The following SGIP1 variants were observed in gnomAD, a reference collection of about 807,000 sequenced individuals.
The protein encoded by SGIP1 is SH3GL interacting endocytic adaptor 1.
Under a neutral mutation model 107.5 loss-of-function variants are expected in SGIP1, and 38 were observed. The observed-to-expected ratio is 0.35, with a 90% CI of 0.27 to 0.46. SGIP1 has a LOEUF of 0.46. Ranked by LOEUF, SGIP1 falls within the 20% of genes least tolerant of loss-of-function variation. The probability of loss-of-function intolerance (pLI) is 1.00; values close to 1 mark genes in which losing one functional copy is unlikely to be tolerated. For missense variants in SGIP1, 929 were observed against 1,019.5 expected (o/e 0.91, Z 1.21); for synonymous variants, 365 against 366.1 (o/e 1.00, Z 0.03).
chr1:66,672,002 G>A lies in SGIP1; in HGVS notation c.560+7G>A. On this transcript the variant is annotated splice_region_variant and intron_variant, in intron 11 of 24. Transcript: ENST00000371037. ...CAACTCCAGAACTTATAAGGTGAGT[G>A]TGAAAGACATTAGTTGTGTTTTATG... 6.2e-7 allele frequency: 1 copy of A among 1,613,762 alleles called. No individual in the cohort carries two copies. Among genetic ancestry groups the A allele is most frequent in the Non-Finnish European group, 8.5e-7 (1 of 1,179,726 alleles).
At chr1:66,660,142 A>AAGAAAGAAAAAGAAAGAAAGAAAGAAAGG (rs1553132178) in intron 7 of SGIP1, 1 of 33,924 alleles carries the variant, frequency 2.9e-5, no homozygotes, top group African/African-American at 4.8e-4. Context: ...GAAAGAAAGA[A>AAGAAAGAAAAAGAAAGAAAGAAAGAAAGG]GAGAGAAAGA....
At chr1:66,697,066 C>T (rs1224965527) in intron 18 of SGIP1, among the ~76,000 whole-genome samples, 1 of 152,070 alleles carries the variant, frequency 6.6e-6, no homozygotes, top group Non-Finnish European at 1.5e-5. Context: ...ATTGTCTGGG[C>T]TCAACAACAA....
intron 8 of SGIP1, among the ~76,000 whole-genome samples, chr1:66,661,894 C>A (rs1269326091): frequency 1.3e-5 from 2 of 152,092 alleles, no homozygotes; most frequent in African/African-American, 4.8e-5. Flanking sequence ...CCTCATTTTT[C>A]TTTGGAAATG....
chr1:66,656,321 G>A (rs1294318817), intron 7 of SGIP1, among the ~76,000 whole-genome samples: 2 of 152,156 alleles, frequency 1.3e-5, no homozygotes, highest in East Asian at 1.9e-4. Flanking sequence ...AAGGACCTGC[G>A]CAAGGCTGTT....
At chr1:66,714,584 G>A (rs1183254757) in intron 18 of SGIP1, among the ~76,000 whole-genome samples, 1 of 151,970 alleles carries the variant, frequency 6.6e-6, no homozygotes, top group Non-Finnish European at 1.5e-5. Flanking sequence ...CTGTTTTCAG[G>A]GCAGTTTATT....
intron 17 of SGIP1, chr1:66,694,748 A>C: frequency 5.1e-6 from 2 of 388,824 alleles, no homozygotes; most frequent in Non-Finnish European, 9.1e-6. Flanking sequence ...AAAAGGTGAG[A>C]TGCTATTGCT....
chr1:66,600,214 G>A (rs2065509954), intron 1 of SGIP1, among the ~76,000 whole-genome samples: 1 of 152,150 alleles, frequency 6.6e-6, no homozygotes, highest in African/African-American at 2.4e-5. Context: ...ATTTTTTAAA[G>A]AAAATTCATT....
chr1:66,653,292 T>C (rs2079103169), intron 7 of SGIP1, among the ~76,000 whole-genome samples: 1 of 152,224 alleles, frequency 6.6e-6, no homozygotes, highest in South Asian at 2.1e-4. Context: ...TGCTTTTTCT[T>C]TCCTTCATTA....
chr1:66,684,601 C>T (rs769997276), intron 15 of SGIP1, among the ~76,000 whole-genome samples: 1 of 152,202 alleles, frequency 6.6e-6, no homozygotes, highest in Non-Finnish European at 1.5e-5. Flanking sequence ...AAAGAACACC[C>T]ACTTCCCTCC....
chr1:66,669,478 C>A (rs1221419510), intron 9 of SGIP1, among the ~76,000 whole-genome samples: 1 of 152,138 alleles, frequency 6.6e-6, no homozygotes, highest in Non-Finnish European at 1.5e-5. Flanking sequence ...GAACTAAAGC[C>A]CCTCTATCTC....
chr1:66,549,151 CT>C lies in SGIP1; in HGVS notation c.10+14785del, dbSNP rs1557849819. Among the ~76,000 whole-genome samples the C allele has an allele frequency of 5.1e-5, 7 of 138,442 alleles. No individual in the cohort carries two copies. In the East Asian group the frequency reaches 1.4e-3, roughly 28 times the overall value. 90.8% of individuals were successfully genotyped at this position (138,442 alleles called of 152,430 possible). A position where few individuals can be genotyped will look rare whatever the true frequency, so the allele number is the denominator to read the frequency against. ...TCTGGCTACCTGCCTTCCTTCCTTC[CT>C]TCCTTCCTTCCTTCCTTCCTTCCTT... On this transcript the variant is annotated intron_variant, in intron 1 of 24. Transcript: ENST00000371037.
intron 1 of SGIP1, among the ~76,000 whole-genome samples, chr1:66,542,533 A>C (rs35652756): frequency 0.28 from 42,350 of 151,924 alleles, 6,240 homozygotes; most frequent in South Asian, 0.57. Context: ...TGAGACGACT[A>C]CTAAGTGACT....
intron 1 of SGIP1, among the ~76,000 whole-genome samples, chr1:66,548,150 G>A (rs1341816542): frequency 6.6e-6 from 1 of 152,136 alleles, no homozygotes. Flanking sequence ...TCATGCTTTT[G>A]CTTGCATCTT....
intron 19 of SGIP1, among the ~76,000 whole-genome samples, chr1:66,722,750 C>T (rs866855655): frequency 6.4e-4 from 98 of 152,116 alleles, no homozygotes; most frequent in African/African-American, 2.1e-3. Context: ...CCTGTCCCAT[C>T]GGCCTGTCAC....
chr1:66,650,460 C>T (rs1309093020), intron 7 of SGIP1, among the ~76,000 whole-genome samples: 1 of 152,130 alleles, frequency 6.6e-6, no homozygotes, highest in Non-Finnish European at 1.5e-5. Context: ...GAGAAAACAA[C>T]ATCTAGTAGC....
intron 19 of SGIP1, among the ~76,000 whole-genome samples, chr1:66,726,423 C>T (rs1339865984): frequency 6.6e-6 from 1 of 152,034 alleles, no homozygotes. Context: ...CCTACCATAG[C>T]GAAAACAACT....
At chr1:66,719,533 G>A (rs2093418964) in intron 19 of SGIP1, 128 bp downstream of exon 19, 2 of 516,892 alleles carry the variant, frequency 3.9e-6, no homozygotes, top group Admixed American at 3.4e-5. Flanking sequence ...ATAGTAGATG[G>A]CACAGCTAGG....
chr1:66,742,712 G>C (rs536163837), intron 24 of SGIP1, among the ~76,000 whole-genome samples: 1 of 148,602 alleles, frequency 6.7e-6, no homozygotes, highest in Non-Finnish European at 1.5e-5. Context: ...CTCGTGATCC[G>C]CCCGCCTCGG....
chr1:66,575,250 G>T (rs1158304901), intron 1 of SGIP1, among the ~76,000 whole-genome samples: 2 of 152,106 alleles, frequency 1.3e-5, no homozygotes, highest in Non-Finnish European at 2.9e-5. Context: ...TTTATATTAG[G>T]TCCTGTGTGA....
Sources: allele counts gnomAD v4.1 joint callset (sites outside exome capture counted in the v4.1 genomes callset), GRCh38; gene constraint gnomAD v4.1.1; transcripts MANE v1.5; gene names NCBI Gene and HGNC (gene_info 2026-07-23, HGNC 2026-07-21).